Variants in CPA6 observed in about 807,000 individuals in gnomAD.
The protein encoded by CPA6 is carboxypeptidase B.
A neutral mutation model predicts 63.3 loss-of-function variants in CPA6; 58 were observed. The observed-to-expected ratio is 0.92, with a 90% CI of 0.74 to 1.14. CPA6 has a LOEUF of 1.14. Among genes scored for constraint, CPA6 ranks in the 50% most tolerant of loss-of-function variants. The pLI, the probability that CPA6 is intolerant of heterozygous loss-of-function variation, is 0.00. For synonymous variants in CPA6, 185 were observed against 179.0 expected (o/e 1.03, Z -0.27); for missense variants, 565 against 526.6 (o/e 1.07, Z -0.71).
At chr8:67,653,111 G>T (rs1446295623) in intron 1 of CPA6, among the ~76,000 whole-genome samples, 2 of 151,944 alleles carry the variant, frequency 1.3e-5, no homozygotes, top group South Asian at 4.2e-4. Context: ...TCTCTGTTTT[G>T]GTACCAGTAC....
In CPA6 at chr8:67,488,192, C is replaced by T. The variant is rs543967717; in HGVS notation, c.637-3403G>A. Among the ~76,000 whole-genome samples, 19 of 152,280 alleles carry T rather than the reference C, an allele frequency of 1.2e-4. No homozygotes were observed. In the South Asian group the frequency reaches 3.3e-3, roughly 27 times the overall value. On this transcript the variant is annotated intron_variant, in intron 6 of 10. Coordinates refer to ENST00000297770, the MANE Select transcript of CPA6 (RefSeq NM_020361.5). ...AGGGTTTTTATGGTTTTAGGTCTAA[C>T]ATTTAAGTCTTTAATCCATCTTGAA...
At chr8:67,477,980 T>C (rs1337264116) in intron 8 of CPA6, among the ~76,000 whole-genome samples, 1 of 152,196 alleles carries the variant, frequency 6.6e-6, no homozygotes, top group Admixed American at 6.5e-5. Flanking sequence ...AGTGTCTTTG[T>C]ATGCTAATAG....
At chr8:67,608,559 C>T (rs142022602) in intron 2 of CPA6, among the ~76,000 whole-genome samples, 1,542 of 152,274 alleles carry the variant, frequency 0.01, 70 homozygotes, top group Admixed American at 0.079. Context: ...GTCTGTGTGA[C>T]CTGATTCTTC....
chr8:67,729,869 G>A (rs1469477112), intron 1 of CPA6, among the ~76,000 whole-genome samples: 1 of 152,254 alleles, frequency 6.6e-6, no homozygotes, highest in Non-Finnish European at 1.5e-5. Context: ...GGTAAAGAAA[G>A]TTACAGGGCT....
chr8:67,615,516 TAA>T (rs11333162), intron 2 of CPA6, among the ~76,000 whole-genome samples: 1 of 151,598 alleles, frequency 6.6e-6, no homozygotes, highest in Non-Finnish European at 1.5e-5. Context: ...GTGACCTACA[TAA>T]AAAAAAGGAA....
intron 8 of CPA6, among the ~76,000 whole-genome samples, chr8:67,442,075 A>G (rs1259910681): frequency 6.6e-6 from 1 of 152,190 alleles, no homozygotes; most frequent in Admixed American, 6.5e-5. Context: ...AGGAAATATA[A>G]AGAAACACAA....
intron 1 of CPA6, among the ~76,000 whole-genome samples, chr8:67,671,574 C>T (rs981259250): frequency 4.6e-5 from 7 of 152,208 alleles, no homozygotes; most frequent in African/African-American, 1.7e-4. Context: ...GTGTGCCCAG[C>T]TCTGCTACTT....
At chr8:67,733,846 CT>C (rs10696053) in intron 1 of CPA6, among the ~76,000 whole-genome samples, 6,514 of 94,664 alleles carry the variant, frequency 0.069, 175 homozygotes, top group East Asian at 0.15. Context: ...GCTGCATCGT[CT>C]TTTTTTTTTT....
intron 6 of CPA6, among the ~76,000 whole-genome samples, chr8:67,492,827 A>T (rs2128962584): frequency 6.6e-6 from 1 of 152,256 alleles, no homozygotes; most frequent in South Asian, 2.1e-4. Context: ...TCAAACTGAA[A>T]CTAAACAAAT....
At chr8:67,688,711 T>G (rs1190026600) in intron 1 of CPA6, among the ~76,000 whole-genome samples, 2 of 152,218 alleles carry the variant, frequency 1.3e-5, no homozygotes, top group Non-Finnish European at 2.9e-5. Flanking sequence ...TCGGTTTGTG[T>G]TTTGTTTGAA....
intron 2 of CPA6, among the ~76,000 whole-genome samples, chr8:67,600,334 G>A: frequency 7.6e-6 from 1 of 130,828 alleles, no homozygotes; most frequent in African/African-American, 2.8e-5. Flanking sequence ...GCACAGAGTA[G>A]AATGGTAGTT....
At position 67,559,852 on chromosome 8, in the gene CPA6, A is replaced by AATATATATAT. The variant is rs71554612; in HGVS notation, c.193-41815_193-41806dup. ...TTTCTACTGCTAATAAGTTGGACAA[A>AATATATATAT]ATATATATATATATGTATACACACA... On this transcript the variant is annotated intron_variant, in intron 2 of 10. Coordinates refer to ENST00000297770, the MANE Select transcript of CPA6 (RefSeq NM_020361.5). Among the ~76,000 whole-genome samples, 849 of 148,058 alleles carry AATATATATAT rather than the reference A, an allele frequency of 5.7e-3. 6 individuals carry two copies. The highest frequency in any genetic ancestry group is 0.017 in the East Asian group (84 of 5,008).
intron 2 of CPA6, among the ~76,000 whole-genome samples, chr8:67,567,793 G>A (rs1334052893): frequency 6.6e-6 from 1 of 152,188 alleles, no homozygotes; most frequent in African/African-American, 2.4e-5. Context: ...AGTTTCTACA[G>A]TGAGTAAACA....
chr8:67,439,212 G>A (rs11991649), intron 8 of CPA6, among the ~76,000 whole-genome samples: 7,028 of 152,086 alleles, frequency 0.046, 534 homozygotes, highest in African/African-American at 0.16. Flanking sequence ...AGGATTGCCT[G>A]AGCCTGGGAG....
intron 2 of CPA6, among the ~76,000 whole-genome samples, chr8:67,583,291 C>T (rs1354572775): frequency 1.3e-5 from 2 of 151,838 alleles, no homozygotes; most frequent in Non-Finnish European, 2.9e-5. Flanking sequence ...CTTAGAGTAA[C>T]AGATAATTAG....
chr8:67,700,822 G>A (rs188226964), intron 1 of CPA6, among the ~76,000 whole-genome samples: 56 of 152,184 alleles, frequency 3.7e-4, no homozygotes, highest in African/African-American at 1.2e-3. Flanking sequence ...TTCTATTTTG[G>A]TAAGTCCAAT....
At position 67,422,482 on chromosome 8, in the gene CPA6, T is replaced by C; in HGVS notation, c.*22A>G. 6.2e-7 allele frequency: 1 copy of C among 1,604,796 alleles called. No individual in the cohort carries two copies. ...GGCCTTGCTCAGAATCCTATGGCAG[T>C]TGACCTGAGCCTTGGGCTGTCTCAG... On this transcript the variant is annotated 3_prime_UTR_variant, in exon 11 of 11. Transcript: ENST00000297770.
intron 2 of CPA6, among the ~76,000 whole-genome samples, chr8:67,613,274 T>C (rs572716435): frequency 6.6e-6 from 1 of 152,366 alleles, no homozygotes; most frequent in East Asian, 1.9e-4. Context: ...ATGTTCCTGA[T>C]GAGAATCCAA....
intron 1 of CPA6, among the ~76,000 whole-genome samples, chr8:67,670,135 A>G (rs1303411094): frequency 6.6e-6 from 1 of 152,222 alleles, no homozygotes; most frequent in Non-Finnish European, 1.5e-5. Flanking sequence ...GTATTTGTCC[A>G]TTGTCACACT....
Sources: gnomAD v4.1 joint callset for allele counts (sites outside exome capture counted in the v4.1 genomes callset) on GRCh38, gnomAD v4.1.1 for gene constraint, MANE v1.5 for transcripts, NCBI Gene and HGNC (gene_info 2026-07-23, HGNC 2026-07-21) for gene names.